CCDC190: variants seen among roughly 807,000 people sequenced by gnomAD.
CCDC190 encodes coiled-coil domain-containing protein 190.
A neutral mutation model predicts 13.1 loss-of-function variants in CCDC190; 10 were observed. The ratio of observed to expected loss-of-function variants is 0.77; its 90% CI spans 0.47 to 1.30. The LOEUF (loss-of-function observed/expected upper bound fraction) is 1.30. Ranked by LOEUF, CCDC190 falls within the 50% of genes most tolerant of loss-of-function variation. The probability of loss-of-function intolerance (pLI) is 0.00; values close to 1 mark genes in which losing one functional copy is unlikely to be tolerated. For missense variants in CCDC190, 375 were observed against 354.3 expected (o/e 1.06, Z -0.47); for synonymous variants, 136 against 127.2 (o/e 1.07, Z -0.47).
chr1:162,863,809 A>G (rs961160860), upstream of CCDC190, among the ~76,000 whole-genome samples: 2 of 152,174 alleles, frequency 1.3e-5, no homozygotes, highest in African/African-American at 4.8e-5. Context: ...TCACAAGGTC[A>G]CGAGTTCGAG....
At position 162,859,563 on chromosome 1, in the gene CCDC190, C is replaced by G. The variant is rs1160887731; in HGVS notation, c.84G>C (p.Leu28=). 6.2e-7 allele frequency: 1 copy of G among 1,613,790 alleles called. No homozygotes were observed. The highest frequency in any genetic ancestry group is 1.3e-5 in the African/African-American group (1 of 74,924). ...RKNAKQAEAR[L]DQRLQRLKVI... ...CCTTTAGTCTCTGCAGTCTTTGGTC[C>G]AGTCTGGCTTCAGCCTGCTTGGCAT... Residue 28 remains leucine (L), a synonymous_variant, in exon 2 of 4, where the codon CTG becomes CTC. Transcript: ENST00000367912.
chr1:162,862,285 A>G (rs1468945836), upstream of CCDC190, among the ~76,000 whole-genome samples: 1 of 152,202 alleles, frequency 6.6e-6, no homozygotes, highest in Non-Finnish European at 1.5e-5. Flanking sequence ...GGAACTGAAG[A>G]GGAAAAGCTT....
In CCDC190 at chr1:162,854,272, G is replaced by A; in HGVS notation, c.*493C>T. The A allele has an allele frequency of 1.0e-6, 1 of 985,338 alleles. No homozygotes were observed. The highest frequency in any genetic ancestry group is 1.2e-6 in the Non-Finnish European group (1 of 829,938). 61.0% of individuals were successfully genotyped at this position (985,338 alleles called of 1,614,324 possible). A position where few individuals can be genotyped will look rare whatever the true frequency, so the allele number is the denominator to read the frequency against. ...TCTGTAAATAAAGGAAGGAAGGAAA[G>A]GGCTTCCAAAGAGAGCACGTGGGTG... is the stretch of plus-strand genomic sequence containing the variant. On this transcript the variant is annotated 3_prime_UTR_variant, in exon 4 of 4. Transcript: ENST00000367912.
At chr1:162,866,998 G>C (rs1650729925) in intron 1 of CCDC190, among the ~76,000 whole-genome samples, 1 of 151,772 alleles carries the variant, frequency 6.6e-6, no homozygotes, top group South Asian at 2.1e-4. Flanking sequence ...ACTTCTAGAA[G>C]AAAAATAAGA....
Position 162,853,055 on chromosome 1 carries a change from C to A in CCDC190, c.*1710G>T. On this transcript the variant is annotated 3_prime_UTR_variant, in exon 4 of 4. Coordinates refer to ENST00000367912, the MANE Select transcript of CCDC190 (RefSeq NM_001394065.1). ...AATCAGTTCTGTCACTTATGGCCTG[C>A]CTTCCTCTGTTGCTTTGCTTCATGG... 1 of 1,429,732 alleles carries A rather than the reference C, an allele frequency of 7.0e-7. No individual in the cohort carries two copies. Among genetic ancestry groups the A allele is most frequent in the Non-Finnish European group, 9.6e-7 (1 of 1,037,270 alleles). The allele number at this position is 1,429,732 out of a possible 1,614,324, so 88.6% of individuals were successfully genotyped here. A position where few individuals can be genotyped will look rare whatever the true frequency, so the allele number is the denominator to read the frequency against.
rs545113076 is a variant in CCDC190 at position 162,855,987 on chromosome 1, A to G, written c.188-232T>C. 4.4e-4 allele frequency: 147 copies of G among 335,386 alleles called. 1 individual carries two copies. The highest frequency in any genetic ancestry group is 2.9e-3 in the African/African-American group (138 of 47,784). 20.8% of individuals were successfully genotyped at this position (335,386 alleles called of 1,614,324 possible). ...AGACACACACAGGGAGAGCACTAAGAGACACAGGGAGAAGACAGCCATCTG... is the reference window on the plus strand; with the variant it reads ...AGACACACACAGGGAGAGCACTAAGGGACACAGGGAGAAGACAGCCATCTG... On this transcript the variant is annotated intron_variant, in intron 2 of 3. Coordinates refer to ENST00000367912, the MANE Select transcript of CCDC190 (RefSeq NM_001394065.1).
rs1442064395 is a variant in CCDC190 at position 162,855,740 on chromosome 1, T to C, written c.203A>G (p.Lys68Arg). Residue 68 changes from lysine (K) to arginine (R), a missense_variant, in exon 3 of 4, where the codon AAG becomes AGG. Coordinates refer to ENST00000367912, the MANE Select transcript of CCDC190 (RefSeq NM_001394065.1). ...TCCATTCCCCAAATAAGAGGAGAAC[T>C]TTTTCTTCATGGTTTCTGCTTTGAG... ...QRLQQETMKK[K>R]FSSYLGNGFQ... is the part of the protein sequence containing the mutation. 6.2e-7 allele frequency: 1 copy of C among 1,603,706 alleles called. No homozygotes were observed. The highest frequency in any genetic ancestry group is 2.2e-5 in the East Asian group (1 of 44,822).
chr1:162,859,740 G>A, intron 1 of CCDC190, 82 bp from the exon 2 acceptor site: 1 of 1,140,332 alleles, frequency 8.8e-7, no homozygotes. Flanking sequence ...GAGATCAGTG[G>A]TAGAACCTGT....
chr1:162,855,754 T>G lies in CCDC190; in HGVS notation c.189A>C (p.Glu63Asp), dbSNP rs1650281660. The G allele has an allele frequency of 6.3e-7, 1 of 1,590,576 alleles. No homozygotes were observed. The highest frequency in any genetic ancestry group is 1.3e-5 in the African/African-American group (1 of 74,786). ...LQKELQRLQQ[E>D]TMKKKFSSYL... ...AAGAGGAGAACTTTTTCTTCATGGT[T>G]TCTGCTTTGAGTTAATTAAGAAGTG... The change falls in exon 3 of 4, where the codon GAA (glutamate) becomes GAC (aspartate). Residue 63 changes from glutamate (E) to aspartate (D), a missense_variant and splice_region_variant. By Grantham distance (45) the Glu-to-Asp change is conservative. Transcript: ENST00000367912.
rs1357975441 is a variant in CCDC190, at chr1:162,853,851, C to T, written c.*914G>A. On this transcript the variant is annotated 3_prime_UTR_variant, in exon 4 of 4. Transcript: ENST00000367912. ...AAAAAGTGGTGATGATTTTATTCTA[C>T]ACTTCATTAGGTAGACAGTAAGTTT... Among the ~76,000 whole-genome samples the T allele has an allele frequency of 1.3e-5, 2 of 152,192 alleles. No homozygotes were observed. Among genetic ancestry groups the T allele is most frequent in the Non-Finnish European group, 2.9e-5 (2 of 68,028 alleles).
At chr1:162,856,676 C>T (rs1206180746) in intron 2 of CCDC190, among the ~76,000 whole-genome samples, 1 of 152,164 alleles carries the variant, frequency 6.6e-6, no homozygotes, top group Non-Finnish European at 1.5e-5. Context: ...GGAGAGAACT[C>T]TTTAAATCTA....
upstream of CCDC190, among the ~76,000 whole-genome samples, chr1:162,862,208 G>A (rs936574762): frequency 4.6e-5 from 7 of 152,146 alleles, no homozygotes; most frequent in Admixed American, 2.6e-4. Context: ...TCCCTTTGTT[G>A]CCACTATAGC....
Position 162,859,509 on chromosome 1 carries a change from C to T in CCDC190, c.138G>A (p.Leu46=). Residue 46 remains leucine (L), a synonymous_variant, in exon 2 of 4, where the codon CTG becomes CTA. Coordinates refer to ENST00000367912, the MANE Select transcript of CCDC190 (RefSeq NM_001394065.1). The stretch of plus-strand genomic sequence containing the variant: ...TTTGGAGCTGCCTCTGCTCCCAGGT[C>T]AGCAATTTCACATGGTAGAGGCAAA... ...KVICLYHVKL[L]TWEQRQLQKE... 1 of 1,613,724 alleles carries T rather than the reference C, an allele frequency of 6.2e-7. No homozygotes were observed. Among genetic ancestry groups the T allele is most frequent in the East Asian group, 2.2e-5 (1 of 44,870 alleles).
chr1:162,857,063 T>C (rs1650327844), intron 2 of CCDC190, among the ~76,000 whole-genome samples: 1 of 152,228 alleles, frequency 6.6e-6, no homozygotes, highest in African/African-American at 2.4e-5. Flanking sequence ...GTTACCAGAT[T>C]TGACAAGCTC....
At chr1:162,862,670 G>A (rs544975163), upstream of CCDC190, among the ~76,000 whole-genome samples, 1 of 152,210 alleles carries the variant, frequency 6.6e-6, no homozygotes, top group Non-Finnish European at 1.5e-5. Context: ...AGGAACACAA[G>A]AATAGATAGG....
chr1:162,862,053 A>T (rs1485200704), upstream of CCDC190, among the ~76,000 whole-genome samples: 1 of 152,076 alleles, frequency 6.6e-6, no homozygotes, highest in Admixed American at 6.6e-5. Flanking sequence ...TAATTCCCTC[A>T]CCTCCAGAAT....
chr1:162,857,293 G>A (rs1650336633), intron 2 of CCDC190, among the ~76,000 whole-genome samples: 1 of 152,082 alleles, frequency 6.6e-6, no homozygotes, highest in African/African-American at 2.4e-5. Context: ...TATAGTCTGA[G>A]GTCTATTTTA....
At chr1:162,864,023 A>AAC (rs1650616140), upstream of CCDC190, among the ~76,000 whole-genome samples, 1 of 151,822 alleles carries the variant, frequency 6.6e-6, no homozygotes, top group Non-Finnish European at 1.5e-5. Context: ...TCAAAAAAAA[A>AAC]AATATCAATG....
Position 162,854,570 on chromosome 1 carries a change from TTCCTCTCC to T in CCDC190, c.*187_*194del. On this transcript the variant is annotated 3_prime_UTR_variant, in exon 4 of 4. Coordinates refer to ENST00000367912, the MANE Select transcript of CCDC190 (RefSeq NM_001394065.1). ...TAAAATATTTTCAGAAGATTCATTC[TTCCTCTCC>T]TTTTTCATATATTAGCATTGTTCAT... 1 of 1,365,386 alleles carries T rather than the reference TTCCTCTCC, an allele frequency of 7.3e-7. No individual in the cohort carries two copies. Among genetic ancestry groups the T allele is most frequent in the African/African-American group, 1.5e-5 (1 of 68,956 alleles). 84.6% of individuals were successfully genotyped at this position (1,365,386 alleles called of 1,614,324 possible). A position where few individuals can be genotyped will look rare whatever the true frequency, so the allele number is the denominator to read the frequency against.
Sources: allele counts gnomAD v4.1 joint callset (sites outside exome capture counted in the v4.1 genomes callset), GRCh38; gene constraint gnomAD v4.1.1; transcripts MANE v1.5; gene names NCBI Gene and HGNC (gene_info 2026-07-23, HGNC 2026-07-21).